KCNMB2: variants seen among roughly 807,000 people sequenced by gnomAD.
The protein encoded by KCNMB2 is potassium calcium-activated channel subfamily M regulatory beta subunit 2.
A neutral mutation model predicts 24.5 loss-of-function variants in KCNMB2; 9 were observed. The observed-to-expected ratio is 0.37, with a 90% CI of 0.22 to 0.64. The LOEUF is 0.64. KCNMB2 is among the 30% of genes least tolerant of loss of function. KCNMB2 has a pLI of 0.63. For synonymous variants in KCNMB2, 109 were observed against 104.4 expected, an observed-to-expected ratio of 1.04 and a Z score of -0.27; for missense variants, 226 against 284.3, an observed-to-expected ratio of 0.79 and a Z score of 1.47.
chr3:178,611,999 T>C (rs188717361), intron 1 of KCNMB2, among the ~76,000 whole-genome samples: 2 of 152,304 alleles, frequency 1.3e-5, no homozygotes, highest in East Asian at 3.9e-4. Flanking sequence ...TCTTAATTTA[T>C]TCATCAACCC....
chr3:178,802,909 T>A (rs2108448815), intron 1 of KCNMB2, among the ~76,000 whole-genome samples: 1 of 152,284 alleles, frequency 6.6e-6, no homozygotes, highest in South Asian at 2.1e-4. Context: ...AATGTACAAG[T>A]ACAAAGTGAC....
At chr3:178,808,448 AACT>A (rs1287834417) in intron 2 of KCNMB2, among the ~76,000 whole-genome samples, 3 of 152,282 alleles carry the variant, frequency 2.0e-5, no homozygotes, top group Admixed American at 1.3e-4. Flanking sequence ...AAAAATTAAA[AACT>A]ACAATTGATA....
intron 1 of KCNMB2, among the ~76,000 whole-genome samples, chr3:178,799,132 C>A (rs917862107): frequency 6.6e-6 from 1 of 152,058 alleles, no homozygotes; most frequent in Non-Finnish European, 1.5e-5. Flanking sequence ...ACCAAGGATG[C>A]CTACTTTCAC....
intron 1 of KCNMB2, among the ~76,000 whole-genome samples, chr3:178,670,849 CT>C (rs1720874896): frequency 6.6e-6 from 1 of 152,096 alleles, no homozygotes; most frequent in African/African-American, 2.4e-5. Flanking sequence ...TTGGTGACTA[CT>C]CTGGGTATAA....
chr3:178,703,719 G>A (rs1722183703), intron 1 of KCNMB2, among the ~76,000 whole-genome samples: 1 of 152,138 alleles, frequency 6.6e-6, no homozygotes, highest in Non-Finnish European at 1.5e-5. Flanking sequence ...TTCTCCACAG[G>A]CCTTGTTTAT....
At chr3:178,815,295 C>A (rs1015838625) in intron 2 of KCNMB2, among the ~76,000 whole-genome samples, 1 of 151,994 alleles carries the variant, frequency 6.6e-6, no homozygotes, top group African/African-American at 2.4e-5. Flanking sequence ...TGCACCACTA[C>A]GCCTGGCTAA....
chr3:178,613,693 G>C (rs557288093), intron 1 of KCNMB2, among the ~76,000 whole-genome samples: 3 of 152,170 alleles, frequency 2.0e-5, no homozygotes, highest in Non-Finnish European at 4.4e-5. Flanking sequence ...TGCTGTCAGA[G>C]GTATTGGAGC....
chr3:178,689,601 A>C (rs1015036724), intron 1 of KCNMB2, among the ~76,000 whole-genome samples: 5 of 152,132 alleles, frequency 3.3e-5, no homozygotes, highest in African/African-American at 1.2e-4. Context: ...GCACCACTGC[A>C]CTCCAGCCTG....
At chr3:178,722,635 T>C (rs537719189) in intron 1 of KCNMB2, among the ~76,000 whole-genome samples, 1 of 152,296 alleles carries the variant, frequency 6.6e-6, no homozygotes, top group Admixed American at 6.5e-5. Context: ...GACATATGCC[T>C]GTAATCCCAG....
In KCNMB2 at chr3:178,576,216, C is replaced by T. The variant is rs375216989; in HGVS notation, c.-68+39505C>T. Among the ~76,000 whole-genome samples, 63 of 151,856 alleles carry T rather than the reference C, an allele frequency of 4.1e-4. No individual in the cohort carries two copies. In the South Asian group the frequency reaches 0.01, roughly 24 times the overall value. ...GAGGGCAAGCAGAAGCAGGGTGGGG[C>T]GTTGCCTCACCCAGGAAGCACAAGA... On this transcript the variant is annotated intron_variant, in intron 1 of 4. Transcript: ENST00000452583.
At chr3:178,642,678 T>C (rs970636526) in intron 1 of KCNMB2, among the ~76,000 whole-genome samples, 14 of 152,204 alleles carry the variant, frequency 9.2e-5, no homozygotes, top group Admixed American at 3.3e-4. Flanking sequence ...TTAAACTCCA[T>C]TGCTGGGGTG....
intron 1 of KCNMB2, among the ~76,000 whole-genome samples, chr3:178,717,200 C>G (rs1722645828): frequency 6.6e-6 from 1 of 152,090 alleles, no homozygotes; most frequent in Non-Finnish European, 1.5e-5. Context: ...AACTTCATAT[C>G]TAGTTTGGCC....
chr3:178,599,985 C>T (rs997890746), intron 1 of KCNMB2, among the ~76,000 whole-genome samples: 2 of 152,186 alleles, frequency 1.3e-5, no homozygotes, highest in African/African-American at 4.8e-5. Flanking sequence ...TTAAACGATT[C>T]TCCTGCCTCA....
intron 1 of KCNMB2, among the ~76,000 whole-genome samples, chr3:178,664,745 G>A (rs918856589): frequency 4.0e-5 from 6 of 151,748 alleles, no homozygotes; most frequent in Admixed American, 3.9e-4. Context: ...GAGGGAGGAA[G>A]GGAAAAATTT....
intron 1 of KCNMB2, among the ~76,000 whole-genome samples, chr3:178,732,205 A>G (rs1723175136): frequency 6.6e-6 from 1 of 152,192 alleles, no homozygotes; most frequent in South Asian, 2.1e-4. Context: ...TTTTTGTAAA[A>G]TAATAATATT....
At chr3:178,764,065 G>C (rs547983946) in intron 1 of KCNMB2, among the ~76,000 whole-genome samples, 1 of 152,290 alleles carries the variant, frequency 6.6e-6, no homozygotes, top group South Asian at 2.1e-4. Context: ...GAAGGACCTA[G>C]AATTAAACCC....
chr3:178,794,716 T>C (rs766185882), intron 1 of KCNMB2, among the ~76,000 whole-genome samples: 1 of 152,178 alleles, frequency 6.6e-6, no homozygotes, highest in Non-Finnish European at 1.5e-5. Flanking sequence ...AAGCAAAGAA[T>C]GACATGATGT....
intron 1 of KCNMB2, among the ~76,000 whole-genome samples, chr3:178,542,011 T>A (rs149169942): frequency 6.6e-6 from 1 of 152,254 alleles, no homozygotes; most frequent in African/African-American, 2.4e-5. Context: ...GTTTATCCTG[T>A]GCAGTCTAAC....
chr3:178,592,404 A>G (rs1173635247), intron 1 of KCNMB2, among the ~76,000 whole-genome samples: 1 of 152,224 alleles, frequency 6.6e-6, no homozygotes, highest in Non-Finnish European at 1.5e-5. Context: ...CATTGAGGAC[A>G]AAGACATCAT....
Sources: allele counts gnomAD v4.1 joint callset (sites outside exome capture counted in the v4.1 genomes callset), GRCh38; gene constraint gnomAD v4.1.1; transcripts MANE v1.5; gene names NCBI Gene and HGNC (gene_info 2026-07-23, HGNC 2026-07-21).